Variants in TTC23L observed in about 807,000 individuals in gnomAD.
TTC23L encodes tetratricopeptide repeat protein 23-like.
In TTC23L, 42 loss-of-function variants were observed where a neutral mutation model predicts 48.1. The ratio of observed to expected loss-of-function variants is 0.87; its 90% CI spans 0.68 to 1.13. The LOEUF is 1.13. Among genes scored for constraint, TTC23L ranks in the 50% most tolerant of loss-of-function variants. The pLI is 0.00. For missense variants in TTC23L, 391 were observed against 421.0 expected, an observed-to-expected ratio of 0.93 and a Z score of 0.62; for synonymous variants, 159 against 157.2, an observed-to-expected ratio of 1.01 and a Z score of -0.09.
At chr5:34,850,509 T>G (rs62356973) in intron 4 of TTC23L, among the ~76,000 whole-genome samples, 1 of 152,160 alleles carries the variant, frequency 6.6e-6, no homozygotes, top group Non-Finnish European at 1.5e-5. Flanking sequence ...ATGACAGTTA[T>G]TGAGTATTTA....
the TTC23L span, chr5:34,923,427 A>G: frequency 1.7e-6 from 1 of 580,200 alleles, no homozygotes; most frequent in Non-Finnish European, 3.1e-6. Flanking sequence ...ACAAGCACCC[A>G]TCATCACGCC....
intron 3 of TTC23L, among the ~76,000 whole-genome samples, chr5:34,849,558 TCAAA>T (rs553547529): frequency 1.5e-3 from 232 of 152,296 alleles, no homozygotes; most frequent in African/African-American, 5.2e-3. Flanking sequence ...GTGTGGACAG[TCAAA>T]CAAATTATTT....
chr5:34,924,936 A>T, the TTC23L span: 1 of 1,613,766 alleles, frequency 6.2e-7, no homozygotes, highest in Non-Finnish European at 8.5e-7. Flanking sequence ...TTGGAGGACC[A>T]ACTTTATATG....
At chr5:34,914,887 G>T in the TTC23L span, 12 of 1,613,960 alleles carry the variant, frequency 7.4e-6, no homozygotes, top group Non-Finnish European at 1.0e-5. Context: ...GGGTCAGAAG[G>T]GGCATCGTCC....
chr5:34,905,096 A>G, the TTC23L span, among the ~76,000 whole-genome samples: 1 of 152,212 alleles, frequency 6.6e-6, no homozygotes, highest in South Asian at 2.1e-4. Context: ...TCTGTTTAGA[A>G]CACTAGCTGT....
At chr5:34,858,727 C>G (rs1353412841) in intron 4 of TTC23L, among the ~76,000 whole-genome samples, 1 of 151,958 alleles carries the variant, frequency 6.6e-6, no homozygotes, top group African/African-American at 2.4e-5. Flanking sequence ...CACACTCTTA[C>G]GGCATCTTGC....
the TTC23L span, chr5:34,911,576 A>G: frequency 3.7e-6 from 6 of 1,614,074 alleles, no homozygotes; most frequent in South Asian, 1.1e-5. Flanking sequence ...TTGTCAGGAG[A>G]CATGGTAATT....
chr5:34,846,472 A>G (rs2150350036), intron 3 of TTC23L, among the ~76,000 whole-genome samples: 1 of 149,168 alleles, frequency 6.7e-6, no homozygotes, highest in South Asian at 2.1e-4. Flanking sequence ...AGGCAGGAGA[A>G]TTGCTGGAAC....
At chr5:34,860,259 C>G (rs1760500665) in intron 4 of TTC23L, among the ~76,000 whole-genome samples, 1 of 152,144 alleles carries the variant, frequency 6.6e-6, no homozygotes, top group South Asian at 2.1e-4. Flanking sequence ...CATACACACA[C>G]TTGCTTGTTC....
At chr5:34,884,672 C>T (rs947820093) in intron 9 of TTC23L, among the ~76,000 whole-genome samples, 1 of 151,010 alleles carries the variant, frequency 6.6e-6, no homozygotes, top group African/African-American at 2.4e-5. Flanking sequence ...AGTAAGAAAA[C>T]AATCCCATTT....
chr5:34,850,412 C>T, intron 4 of TTC23L, 104 bp downstream of exon 4: 1 of 1,414,224 alleles, frequency 7.1e-7, no homozygotes, highest in East Asian at 2.3e-5. Flanking sequence ...CCCCTTCTTG[C>T]CCCTAGCTCA....
the TTC23L span, chr5:34,922,496 A>G: frequency 1.6e-6 from 2 of 1,273,408 alleles, no homozygotes; most frequent in Non-Finnish European, 2.3e-6. Context: ...AGCATTGACT[A>G]CATTTGCTAA....
At chr5:34,885,836 A>G (rs1347937190) in intron 9 of TTC23L, among the ~76,000 whole-genome samples, 1 of 152,186 alleles carries the variant, frequency 6.6e-6, no homozygotes, top group East Asian at 1.9e-4. Context: ...ATGCATGTAT[A>G]TTTATATATA....
At chr5:34,902,186 G>A (rs529336294), downstream of TTC23L, among the ~76,000 whole-genome samples, 22 of 152,234 alleles carry the variant, frequency 1.4e-4, no homozygotes, top group African/African-American at 5.3e-4. Flanking sequence ...CACTTTGGGA[G>A]GCTGAGGCAG....
chr5:34,852,334 G>A (rs57000510), intron 4 of TTC23L, among the ~76,000 whole-genome samples: 9,619 of 152,270 alleles, frequency 0.063, 902 homozygotes, highest in African/African-American at 0.2. Context: ...GGGGGTTAAG[G>A]TAGGACGGAA....
At chr5:34,872,350 A>G (rs1388760011) in intron 8 of TTC23L, among the ~76,000 whole-genome samples, 2 of 152,204 alleles carry the variant, frequency 1.3e-5, no homozygotes, top group African/African-American at 4.8e-5. Flanking sequence ...AATTACAAAA[A>G]TAAAAGCAAA....
chr5:34,845,769 T>C, intron 3 of TTC23L, 96 bp downstream of exon 3: 1 of 1,212,834 alleles, frequency 8.2e-7, no homozygotes, highest in Non-Finnish European at 1.1e-6. Flanking sequence ...GCATATGAAA[T>C]AGAGGAAGGT....
In TTC23L at chr5:34,886,757, A is replaced by C. The variant is rs191535258; in HGVS notation, c.1077+6449A>C. 1.7e-3 allele frequency among the ~76,000 whole-genome samples: 257 copies of C among 152,304 alleles called. 1 individual carries two copies. The highest frequency in any genetic ancestry group is 5.9e-3 in the African/African-American group (246 of 41,558). On this transcript the variant is annotated intron_variant, in intron 9 of 10. Coordinates refer to ENST00000505624, the Ensembl canonical transcript of TTC23L. ...TGCTGAGGGAGAATATGATACAAAA[A>C]CTTTAGTTGAGTCCCTATCTGGACA...
chr5:34,871,788 C>A (rs1761487551), intron 8 of TTC23L, among the ~76,000 whole-genome samples: 1 of 151,900 alleles, frequency 6.6e-6, no homozygotes, highest in Non-Finnish European at 1.5e-5. Flanking sequence ...AGAAATAGAC[C>A]TGTATAATTA....
Sources: gnomAD v4.1 joint callset for allele counts (sites outside exome capture counted in the v4.1 genomes callset) on GRCh38, gnomAD v4.1.1 for gene constraint, MANE v1.5 for transcripts, NCBI Gene and HGNC (gene_info 2026-07-23, HGNC 2026-07-21) for gene names.